ZFHX3: variants seen among roughly 807,000 people sequenced by gnomAD.
ZFHX3 encodes zinc finger homeobox 3.
In ZFHX3, 42 loss-of-function variants were observed where a neutral mutation model predicts 279.1. The observed-to-expected ratio is 0.15, with a 90% CI of 0.12 to 0.19. The LOEUF (loss-of-function observed/expected upper bound fraction) is 0.19, where lower values mean the gene tolerates loss of function less well. Ranked by LOEUF, ZFHX3 falls within the 10% of genes least tolerant of loss-of-function variation. The pLI, the probability that ZFHX3 is intolerant of heterozygous loss-of-function variation, is 1.00. For synonymous variants in ZFHX3, 2,293 were observed against 1,957.8 expected (o/e 1.17, Z -4.52); for missense variants, 4,981 against 4,754.0 (o/e 1.05, Z -1.40).
rs397766441 is a variant in ZFHX3, at chr16:73,557,094, C to CAAAAAAA, written c.-1546-100843_-1546-100837dup. 1.2e-4 allele frequency among the ~76,000 whole-genome samples: 8 copies of CAAAAAAA among 68,556 alleles called. 1 individual carries two copies. The South Asian group carries it at 3.5e-3, about 30-fold the overall frequency. The allele number at this position is 68,556 out of a possible 152,430, so 45.0% of individuals were successfully genotyped here. ...TGGGGGACAGAGCAAGACTCCGTCT[C>CAAAAAAA]AAAAAAAAAAAAAAAAAAAAAAAAA... On this transcript the variant is annotated intron_variant, in intron 2 of 17. Transcript: ENST00000641206.
At chr16:73,249,141 GAC>G (rs1034539563) in intron 5 of ZFHX3, among the ~76,000 whole-genome samples, 1 of 152,170 alleles carries the variant, frequency 6.6e-6, no homozygotes, top group Admixed American at 6.6e-5. Context: ...TGTACTTGCA[GAC>G]ACATTTTCAG....
chr16:73,796,902 G>A (rs1287676771), intron 1 of ZFHX3, among the ~76,000 whole-genome samples: 1 of 152,160 alleles, frequency 6.6e-6, no homozygotes, highest in African/African-American at 2.4e-5. Context: ...CTGAAGAAAT[G>A]TTATGTGGAA....
At chr16:73,603,565 T>C (rs1481552412) in intron 2 of ZFHX3, among the ~76,000 whole-genome samples, 1 of 152,042 alleles carries the variant, frequency 6.6e-6, no homozygotes, top group Non-Finnish European at 1.5e-5. Flanking sequence ...CTGAAAACTT[T>C]CTAAGAACCT....
At chr16:72,894,817 C>A (rs993026506) in intron 3 of ZFHX3, among the ~76,000 whole-genome samples, 1 of 152,210 alleles carries the variant, frequency 6.6e-6, no homozygotes, top group African/African-American at 2.4e-5. Flanking sequence ...TTTTCTCCCA[C>A]GCAAATCCTG....
At position 73,223,978 on chromosome 16, in the gene ZFHX3, A is replaced by G. The variant is rs531536901; in HGVS notation, c.-1104+33069T>C. ...CTACATGTCATTCTGTAAAACGCAA[A>G]ACTGTGGAGACAGGAAAAAGATCAG... On this transcript the variant is annotated intron_variant, in intron 5 of 17. Transcript: ENST00000641206. 3.3e-5 allele frequency among the ~76,000 whole-genome samples: 5 copies of G among 152,340 alleles called. No individual in the cohort carries two copies. In the South Asian group the frequency reaches 1.0e-3, roughly 32 times the overall value.
chr16:73,007,220 G>A (rs2144613120), intron 1 of ZFHX3, among the ~76,000 whole-genome samples: 1 of 152,172 alleles, frequency 6.6e-6, no homozygotes, highest in South Asian at 2.1e-4. Context: ...TGGCATTTTT[G>A]CATCTCCACT....
At chr16:73,090,879 C>T (rs920864737) in intron 8 of ZFHX3, among the ~76,000 whole-genome samples, 6 of 141,244 alleles carry the variant, frequency 4.2e-5, no homozygotes, top group Non-Finnish European at 8.9e-5. Flanking sequence ...CCACTGTACT[C>T]CAGCCTGGGA....
chr16:72,899,745 T>A (rs1341639212), intron 3 of ZFHX3, among the ~76,000 whole-genome samples: 1 of 152,066 alleles, frequency 6.6e-6, no homozygotes, highest in African/African-American at 2.4e-5. Context: ...ACAGGGACAA[T>A]AACAGAGCCT....
In ZFHX3 at chr16:72,783,415, A is replaced by C. The variant is rs1159558992; in HGVS notation, c.*3749T>G. On this transcript the variant is annotated 3_prime_UTR_variant, in exon 10 of 10. Coordinates refer to ENST00000268489, the MANE Select transcript of ZFHX3 (RefSeq NM_006885.4). ...TTAAAATGTTTTAATTTATTATTTAAAAAAAATATATGTCCATGAACATCA... is the reference window on the plus strand; with the variant it reads ...TTAAAATGTTTTAATTTATTATTTACAAAAAATATATGTCCATGAACATCA... The C allele has an allele frequency of 6.6e-6, 1 of 152,416 alleles. No individual in the cohort carries two copies. Among genetic ancestry groups the C allele is most frequent in the Non-Finnish European group, 1.5e-5 (1 of 67,986 alleles). 9.4% of individuals were successfully genotyped at this position (152,416 alleles called of 1,614,324 possible).
chr16:73,149,732 G>C (rs148767966), intron 5 of ZFHX3, among the ~76,000 whole-genome samples: 1 of 152,064 alleles, frequency 6.6e-6, no homozygotes, highest in Non-Finnish European at 1.5e-5. Flanking sequence ...GACCTTAAAG[G>C]CTCTTTACCT....
chr16:73,624,908 G>C (rs1371939291), intron 2 of ZFHX3, among the ~76,000 whole-genome samples: 1 of 152,214 alleles, frequency 6.6e-6, no homozygotes, highest in African/African-American at 2.4e-5. Context: ...GCACAGGACA[G>C]ATGTGCTATA....
chr16:72,981,587 C>A (rs146511869), intron 1 of ZFHX3, among the ~76,000 whole-genome samples: 5 of 152,330 alleles, frequency 3.3e-5, no homozygotes, highest in South Asian at 4.1e-4. Context: ...AAAGCCTCAA[C>A]TGAACTGCTC....
At chr16:73,565,123 A>G (rs927016611) in intron 2 of ZFHX3, among the ~76,000 whole-genome samples, 1 of 152,148 alleles carries the variant, frequency 6.6e-6, no homozygotes, top group Non-Finnish European at 1.5e-5. Context: ...ATGTGGTGGC[A>G]CATACCTGTA....
chr16:72,882,999 T>G (rs993880182), intron 4 of ZFHX3, among the ~76,000 whole-genome samples: 13 of 132,388 alleles, frequency 9.8e-5, no homozygotes, highest in South Asian at 2.6e-4. Flanking sequence ...TGTGTGTGTG[T>G]GTGTGTGTGT....
At chr16:72,981,630 A>C (rs1962603320) in intron 1 of ZFHX3, among the ~76,000 whole-genome samples, 1 of 152,156 alleles carries the variant, frequency 6.6e-6, no homozygotes, top group Admixed American at 6.5e-5. Flanking sequence ...GTGGCTCTGT[A>C]GGTAAACGGC....
At chr16:73,386,202 CT>C (rs1567467899) in intron 3 of ZFHX3, among the ~76,000 whole-genome samples, 1 of 151,586 alleles carries the variant, frequency 6.6e-6, no homozygotes, top group Non-Finnish European at 1.5e-5. Context: ...CCGTCTCTGT[CT>C]CTCTCTCTCT....
chr16:73,350,559 G>A (rs781024214), intron 3 of ZFHX3, among the ~76,000 whole-genome samples: 7 of 152,184 alleles, frequency 4.6e-5, no homozygotes, highest in Non-Finnish European at 7.3e-5. Flanking sequence ...TTCAGGCATG[G>A]TGAAGGCAGC....
intron 2 of ZFHX3, among the ~76,000 whole-genome samples, chr16:73,510,243 C>A (rs570050966): frequency 6.6e-6 from 1 of 152,194 alleles, no homozygotes; most frequent in African/African-American, 2.4e-5. Context: ...CTGACACTTG[C>A]CTGTTTATTT....
intron 5 of ZFHX3, among the ~76,000 whole-genome samples, chr16:73,147,678 C>T (rs796103532): frequency 5.3e-5 from 6 of 112,832 alleles, no homozygotes; most frequent in African/African-American, 1.4e-4. Context: ...GGCGACAGAG[C>T]GAGACTCCGT....
Sources: allele counts gnomAD v4.1 joint callset (sites outside exome capture counted in the v4.1 genomes callset), GRCh38; gene constraint gnomAD v4.1.1; transcripts MANE v1.5; gene names NCBI Gene and HGNC (gene_info 2026-07-23, HGNC 2026-07-21).